EXT1: variants seen among roughly 807,000 people sequenced by gnomAD.
EXT1 encodes exostosin glycosyltransferase 1, also known as exostosin-1.
A neutral mutation model predicts 82.5 loss-of-function variants in EXT1; 20 were observed. The ratio of observed to expected loss-of-function variants is 0.24; its 90% CI spans 0.17 to 0.35. The LOEUF (loss-of-function observed/expected upper bound fraction) is 0.35. EXT1 is among the 10% of genes least tolerant of loss of function. The pLI is 1.00. For synonymous variants in EXT1, 348 were observed against 350.8 expected, an observed-to-expected ratio of 0.99 and a Z score of 0.09; for missense variants, 757 against 936.5, an observed-to-expected ratio of 0.81 and a Z score of 2.50.
At chr8:118,102,426 G>GA (rs1311388907) in intron 1 of EXT1, among the ~76,000 whole-genome samples, 3 of 150,488 alleles carry the variant, frequency 2.0e-5, no homozygotes, top group Non-Finnish European at 4.4e-5. Context: ...ATAATGTTAG[G>GA]AAAAAAAATA....
intron 1 of EXT1, among the ~76,000 whole-genome samples, chr8:117,879,704 A>AT (rs1813029332): frequency 6.6e-6 from 1 of 152,194 alleles, no homozygotes; most frequent in Non-Finnish European, 1.5e-5. Flanking sequence ...AACATGCACA[A>AT]TCTAGAGTTA....
chr8:117,913,068 A>G (rs568823123), intron 1 of EXT1, among the ~76,000 whole-genome samples: 80 of 152,264 alleles, frequency 5.3e-4, no homozygotes, highest in South Asian at 1.2e-3. Context: ...TAATAAAAAT[A>G]CAAAAATTAG....
At chr8:117,979,381 A>AAC (rs1253570105) in intron 1 of EXT1, among the ~76,000 whole-genome samples, 1 of 142,426 alleles carries the variant, frequency 7.0e-6, no homozygotes, top group Non-Finnish European at 1.5e-5. Flanking sequence ...CAAACAAACA[A>AAC]AAAAACAAAA....
chr8:117,871,640 C>CTTCT (rs778711209), intron 1 of EXT1, among the ~76,000 whole-genome samples: 42 of 152,298 alleles, frequency 2.8e-4, no homozygotes, highest in Admixed American at 3.9e-4. Flanking sequence ...TCCACAAGCA[C>CTTCT]TTCTATTCCC....
At chr8:117,832,319 T>C (rs1450670657) in intron 3 of EXT1, among the ~76,000 whole-genome samples, 4 of 150,398 alleles carry the variant, frequency 2.7e-5, no homozygotes, top group African/African-American at 9.8e-5. Flanking sequence ...AGTTCAGGAG[T>C]TCAAGACCGG....
At chr8:118,074,821 G>C (rs868693929) in intron 1 of EXT1, among the ~76,000 whole-genome samples, 79 of 152,266 alleles carry the variant, frequency 5.2e-4, no homozygotes, top group African/African-American at 1.7e-3. Context: ...TTACAACTCT[G>C]TTAAATGCAA....
chr8:117,824,835 ATTCTTC>A (rs959841692), intron 4 of EXT1, among the ~76,000 whole-genome samples: 4 of 151,836 alleles, frequency 2.6e-5, no homozygotes, highest in African/African-American at 9.7e-5. Flanking sequence ...AGGATTGATT[ATTCTTC>A]TTCTTCTTTT....
At chr8:117,981,356 G>A (rs1216110565) in intron 1 of EXT1, among the ~76,000 whole-genome samples, 2 of 152,194 alleles carry the variant, frequency 1.3e-5, no homozygotes, top group Non-Finnish European at 2.9e-5. Context: ...TAATGCATGA[G>A]TAAGGTTGTT....
In EXT1 at chr8:117,815,311, T is replaced by C. The variant is rs947103385; in HGVS notation, c.1633-2350A>G. Among the ~76,000 whole-genome samples the C allele has an allele frequency of 3.6e-4, 55 of 152,284 alleles. 1 individual carries two copies. The highest frequency in any genetic ancestry group is 1.2e-3 in the African/African-American group (51 of 41,554). ...TATATTGCTTCTAAATTCATGGAGATAGAGATTTTAAAATGGAGAATGAGG... is the reference window on the plus strand; with the variant it reads ...TATATTGCTTCTAAATTCATGGAGACAGAGATTTTAAAATGGAGAATGAGG... On this transcript the variant is annotated intron_variant, in intron 7 of 10. Transcript: ENST00000378204.
intron 1 of EXT1, among the ~76,000 whole-genome samples, chr8:118,100,476 G>A (rs751435809): frequency 4.6e-5 from 7 of 152,152 alleles, no homozygotes; most frequent in African/African-American, 7.2e-5. Context: ...GAGGCGGGGT[G>A]CGGAGGCTCA....
intron 1 of EXT1, among the ~76,000 whole-genome samples, chr8:117,971,900 C>T (rs1814948465): frequency 6.6e-6 from 1 of 152,114 alleles, no homozygotes; most frequent in Admixed American, 6.6e-5. Context: ...CCTGTAATCC[C>T]AGCACTTTGG....
rs1287294447 is a variant in EXT1 at position 117,799,840 on chromosome 8, T to C, written c.2113A>G (p.Met705Val). The C allele has an allele frequency of 1.9e-6, 3 of 1,614,036 alleles. No homozygotes were observed. The highest frequency in any genetic ancestry group is 1.1e-5 in the South Asian group (1 of 91,078). Residue 705 changes from methionine (M) to valine (V), a missense_variant, in exon 11 of 11, where the codon ATG (methionine) becomes GTG (valine). By Grantham distance (21) the Met-to-Val change is conservative. This residue lies in a region of EXT1 where 128 missense variants were observed against 223.2 expected (regional missense o/e 0.57). Transcript: ENST00000378204. The part of the protein sequence containing the change: ...PDHFAQRQSC[M>V]NTFASWFGYM... ...CCAAACCAGCTGGCAAACGTATTCA[T>C]GCAGCTCTGTCGCTGGGCAAAGTGG...
intron 8 of EXT1, among the ~76,000 whole-genome samples, chr8:117,812,536 C>T (rs754278960): frequency 1.2e-4 from 18 of 152,152 alleles, no homozygotes; most frequent in Admixed American, 7.2e-4. Context: ...ATGCAGAACA[C>T]GCACCCTCCC....
At chr8:118,074,376 C>T (rs1020349959) in intron 1 of EXT1, among the ~76,000 whole-genome samples, 3 of 152,146 alleles carry the variant, frequency 2.0e-5, no homozygotes, top group Non-Finnish European at 4.4e-5. Context: ...TCCGAGGGAG[C>T]TCCAGCTAAG....
intron 2 of EXT1, among the ~76,000 whole-genome samples, chr8:117,835,853 T>C (rs1267163056): frequency 6.6e-6 from 1 of 152,140 alleles, no homozygotes; most frequent in African/African-American, 2.4e-5. Context: ...GCTGGAGAAG[T>C]TTTTATTGAC....
At chr8:118,029,863 A>G (rs1231979701) in intron 1 of EXT1, among the ~76,000 whole-genome samples, 1 of 152,228 alleles carries the variant, frequency 6.6e-6, no homozygotes, top group Non-Finnish European at 1.5e-5. Context: ...ATTGATTTTG[A>G]GCACAAATAT....
intron 1 of EXT1, among the ~76,000 whole-genome samples, chr8:117,879,965 G>A (rs1382951782): frequency 6.6e-6 from 1 of 152,084 alleles, no homozygotes; most frequent in African/African-American, 2.4e-5. Flanking sequence ...AACATTAGGG[G>A]GAAATAATGA....
intron 1 of EXT1, among the ~76,000 whole-genome samples, chr8:117,856,422 A>T (rs111802995): frequency 0.084 from 6,985 of 83,594 alleles, 438 homozygotes; most frequent in African/African-American, 0.18. Flanking sequence ...GCCTGGCTAA[A>T]TTTTTTTTTT....
rs886360646 is a variant in EXT1, at chr8:117,968,772, G to T, written c.963-131571C>A. Among the ~76,000 whole-genome samples, 50 of 69,588 alleles carry T rather than the reference G, an allele frequency of 7.2e-4. 5 individuals carry two copies. Among genetic ancestry groups the T allele is most frequent in the Non-Finnish European group, 1.0e-3 (43 of 42,260 alleles). The allele number at this position is 69,588 out of a possible 152,430, so 45.7% of individuals were successfully genotyped here. On this transcript the variant is annotated intron_variant, in intron 1 of 10. Transcript: ENST00000378204. ...TTTTAGTAGAGACGGGGTTTCACCA[G>T]GTTAGCCAGGATGGTCTCGATCTCC...
Sources: gnomAD v4.1 joint callset for allele counts (sites outside exome capture counted in the v4.1 genomes callset) on GRCh38, gnomAD v4.1.1 for gene constraint, gnomAD v4.1.1 regional missense constraint, MANE v1.5 for transcripts, NCBI Gene and HGNC (gene_info 2026-07-23, HGNC 2026-07-21) for gene names.